XKR9: variants seen among roughly 807,000 people sequenced by gnomAD.
The protein encoded by XKR9 is XK related 9, also known as XK-related protein 9.
XKR9 carries 32 observed loss-of-function variants against 32.0 expected under a neutral mutation model. That is an observed-to-expected ratio of 1.00 (90% CI 0.76 to 1.34). The LOEUF is 1.34. Among genes scored for constraint, XKR9 ranks in the 40% most tolerant of loss-of-function variants. XKR9 has a pLI of 0.00. For missense variants in XKR9, 546 were observed against 429.7 expected (o/e 1.27, Z -2.39); for synonymous variants, 168 against 143.4 (o/e 1.17, Z -1.22).
chr8:70,812,221 G>T, the XKR9 span, among the ~76,000 whole-genome samples: 1 of 152,130 alleles, frequency 6.6e-6, no homozygotes, highest in Non-Finnish European at 1.5e-5. Context: ...TGCAGAAAAG[G>T]CCTTTGACAA....
chr8:70,955,763 G>A, the XKR9 span, among the ~76,000 whole-genome samples: 15 of 152,214 alleles, frequency 9.9e-5, no homozygotes, highest in African/African-American at 3.6e-4. Flanking sequence ...GTGTGCAGTG[G>A]CAAGGGATGT....
At chr8:70,765,063 G>A (rs531610431) in intron 2 of XKR9, among the ~76,000 whole-genome samples, 17 of 152,304 alleles carry the variant, frequency 1.1e-4, no homozygotes, top group African/African-American at 3.6e-4. Context: ...ACATGTGCAT[G>A]TGACTTTATA....
At chr8:70,778,067 T>C (rs1235251767) in intron 2 of XKR9, among the ~76,000 whole-genome samples, 2 of 152,256 alleles carry the variant, frequency 1.3e-5, no homozygotes, top group Non-Finnish European at 2.9e-5. Context: ...GGTTTCCTTC[T>C]AAGGTTTTTA....
intron 4 of XKR9, among the ~76,000 whole-genome samples, chr8:70,729,310 AG>A (rs1308020351): frequency 2.0e-5 from 3 of 152,236 alleles, no homozygotes; most frequent in African/African-American, 7.2e-5. Flanking sequence ...AATTGTTAAA[AG>A]CTATAAATAT....
At chr8:70,772,331 T>C (rs1402620504) in intron 2 of XKR9, among the ~76,000 whole-genome samples, 1 of 152,196 alleles carries the variant, frequency 6.6e-6, no homozygotes, top group Non-Finnish European at 1.5e-5. Flanking sequence ...CAGGAAAAGA[T>C]GCACCTCTCT....
At chr8:71,044,719 GA>G in the XKR9 span, among the ~76,000 whole-genome samples, 1 of 152,094 alleles carries the variant, frequency 6.6e-6, no homozygotes, top group Admixed American at 6.5e-5. Flanking sequence ...ATAGCCTTCT[GA>G]AATACAAATT....
At position 70,681,216 on chromosome 8, in the gene XKR9, T is replaced by C. The variant is rs763417771; in HGVS notation, c.158T>C (p.Leu53Pro). Residue 53 changes from leucine (L) to proline (P), a missense_variant, in exon 3 of 5, where the codon CTT becomes CCT. Coordinates refer to ENST00000408926, the MANE Select transcript of XKR9 (RefSeq NM_001011720.2). ...LALSFMLFGT[L>P]VAQCFSYSWF... is the part of the protein sequence containing the mutation. Reference sequence around the variant, plus strand: ...TTAAGCTTTATGCTTTTTGGAACACTTGTGGCTCAGTGTTTTAGTTATTCT... The same window carrying C: ...TTAAGCTTTATGCTTTTTGGAACACCTGTGGCTCAGTGTTTTAGTTATTCT... 6.2e-7 allele frequency: 1 copy of C among 1,613,562 alleles called. No homozygotes were observed. Among genetic ancestry groups the C allele is most frequent in the Non-Finnish European group, 8.5e-7 (1 of 1,179,616 alleles).
chr8:70,883,130 C>T, the XKR9 span, among the ~76,000 whole-genome samples: 997 of 151,622 alleles, frequency 6.6e-3, 13 homozygotes, highest in Non-Finnish European at 9.0e-3. Flanking sequence ...CACCCCCCTT[C>T]CCAACCTCCC....
At chr8:70,855,422 T>G in the XKR9 span, among the ~76,000 whole-genome samples, 1 of 151,970 alleles carries the variant, frequency 6.6e-6, no homozygotes, top group Non-Finnish European at 1.5e-5. Context: ...GAGAGAAGTT[T>G]AGAGAAAAAG....
At chr8:70,746,111 A>G (rs1457198767) in intron 2 of XKR9, among the ~76,000 whole-genome samples, 6 of 151,928 alleles carry the variant, frequency 3.9e-5, no homozygotes, top group Non-Finnish European at 8.8e-5. Flanking sequence ...TTATTTTGTG[A>G]AAGTGGGACT....
At chr8:70,740,296 C>T (rs947809155), downstream of XKR9, among the ~76,000 whole-genome samples, 6 of 152,208 alleles carry the variant, frequency 3.9e-5, no homozygotes, top group South Asian at 2.1e-4. Flanking sequence ...ACGTAGTTCT[C>T]GAGCCTTGGT....
At chr8:71,058,765 G>T in the XKR9 span, among the ~76,000 whole-genome samples, 1 of 152,184 alleles carries the variant, frequency 6.6e-6, no homozygotes, top group South Asian at 2.1e-4. Flanking sequence ...TTATCCAAAA[G>T]TCATCACTCT....
chr8:71,028,852 C>CTCTT, the XKR9 span, among the ~76,000 whole-genome samples: 4 of 152,086 alleles, frequency 2.6e-5, no homozygotes, highest in South Asian at 8.3e-4. Context: ...TTGGGACTAG[C>CTCTT]TCTTTCTTTT....
the XKR9 span, among the ~76,000 whole-genome samples, chr8:70,938,935 GAA>G: frequency 6.8e-6 from 1 of 146,634 alleles, no homozygotes; most frequent in Non-Finnish European, 1.5e-5. Flanking sequence ...CTCCTACCAG[GAA>G]AAAAAAAGAG....
At chr8:70,685,176 A>T (rs563764670) in intron 3 of XKR9, among the ~76,000 whole-genome samples, 9 of 151,298 alleles carry the variant, frequency 5.9e-5, no homozygotes, top group South Asian at 2.1e-4. Flanking sequence ...TAAAAAATGA[A>T]GAGTTCATGT....
the XKR9 span, among the ~76,000 whole-genome samples, chr8:71,049,429 T>A: frequency 3.9e-5 from 6 of 152,204 alleles, no homozygotes; most frequent in African/African-American, 1.2e-4. Flanking sequence ...GACTCCCTAC[T>A]ACGCTATGAC....
At chr8:70,925,304 C>T in the XKR9 span, among the ~76,000 whole-genome samples, 1 of 151,962 alleles carries the variant, frequency 6.6e-6, no homozygotes, top group Admixed American at 6.6e-5. Flanking sequence ...ATATAAGCCT[C>T]CTATAAATAT....
At chr8:70,757,938 TG>T (rs978143843) in intron 2 of XKR9, among the ~76,000 whole-genome samples, 26 of 152,218 alleles carry the variant, frequency 1.7e-4, no homozygotes, top group African/African-American at 6.3e-4. Context: ...CTGTTAAATC[TG>T]ACATCTGGTT....
the XKR9 span, among the ~76,000 whole-genome samples, chr8:70,820,877 G>A: frequency 6.6e-6 from 1 of 152,004 alleles, no homozygotes; most frequent in African/African-American, 2.4e-5. Context: ...ATAATATTTG[G>A]GTGGGGACAC....
Sources: allele counts gnomAD v4.1 joint callset (sites outside exome capture counted in the v4.1 genomes callset), GRCh38; gene constraint gnomAD v4.1.1; transcripts MANE v1.5; gene names NCBI Gene and HGNC (gene_info 2026-07-23, HGNC 2026-07-21).